Variants in DAB1 observed in about 807,000 individuals in gnomAD.
DAB1 encodes the protein DAB adaptor protein 1.
A neutral mutation model predicts 64.6 loss-of-function variants in DAB1; 15 were observed. The observed-to-expected ratio is 0.23, with a 90% CI of 0.16 to 0.36. The LOEUF is 0.36. DAB1 is among the 10% of genes least tolerant of loss of function. DAB1 has a pLI of 1.00. For missense variants in DAB1, 596 were observed against 706.7 expected (o/e 0.84, Z 1.78); for synonymous variants, 235 against 251.9 (o/e 0.93, Z 0.64).
At chr1:57,509,464 C>T (rs552235041) in intron 7 of DAB1, among the ~76,000 whole-genome samples, 64 of 152,204 alleles carry the variant, frequency 4.2e-4, no homozygotes, top group Non-Finnish European at 7.5e-4. Flanking sequence ...CCACTCACTG[C>T]TTCCTCAGCA....
chr1:58,190,792 G>A (rs953595777), intron 4 of DAB1, among the ~76,000 whole-genome samples: 3 of 152,184 alleles, frequency 2.0e-5, no homozygotes, highest in African/African-American at 7.2e-5. Flanking sequence ...GCAAGACCGG[G>A]GAACAAAAGA....
intron 2 of DAB1, among the ~76,000 whole-genome samples, chr1:58,512,229 A>G (rs1646088026): frequency 6.6e-6 from 1 of 152,190 alleles, no homozygotes; most frequent in African/African-American, 2.4e-5. Flanking sequence ...TAGGTTATCT[A>G]TCATTGAAAA....
At chr1:57,826,577 T>G (rs1166136402) in intron 1 of DAB1, 10 of 152,270 alleles carry the variant, frequency 6.6e-5, no homozygotes, top group Admixed American at 6.5e-4. Context: ...GAACATCTGC[T>G]GCAGACACTG....
chr1:58,377,080 C>A (rs1161978229), intron 3 of DAB1, among the ~76,000 whole-genome samples: 2 of 134,238 alleles, frequency 1.5e-5, no homozygotes, highest in Non-Finnish European at 3.2e-5. Flanking sequence ...TGTCTCTGCA[C>A]GTGAGATGGG....
chr1:57,378,579 T>C (rs1681097176), intron 1 of DAB1, among the ~76,000 whole-genome samples: 1 of 152,214 alleles, frequency 6.6e-6, no homozygotes, highest in Non-Finnish European at 1.5e-5. Flanking sequence ...TAAGTTATAA[T>C]TCCCTCCAGG....
intron 4 of DAB1, among the ~76,000 whole-genome samples, chr1:58,189,046 A>C (rs999396646): frequency 6.6e-6 from 1 of 152,172 alleles, no homozygotes; most frequent in Admixed American, 6.5e-5. Flanking sequence ...ATAGAGCACT[A>C]TTTTATTTGC....
At chr1:57,666,688 G>A (rs1233176638) in intron 6 of DAB1, among the ~76,000 whole-genome samples, 1 of 152,028 alleles carries the variant, frequency 6.6e-6, no homozygotes, top group African/African-American at 2.4e-5. Flanking sequence ...CACATTCATA[G>A]TCCAACCACT....
At chr1:58,394,568 T>C (rs1644503418) in intron 3 of DAB1, among the ~76,000 whole-genome samples, 1 of 152,190 alleles carries the variant, frequency 6.6e-6, no homozygotes, top group Non-Finnish European at 1.5e-5. Flanking sequence ...GGATAACTAT[T>C]GTAATGCAAT....
intron 6 of DAB1, among the ~76,000 whole-genome samples, chr1:57,730,865 G>A (rs1031453580): frequency 6.6e-6 from 1 of 152,202 alleles, no homozygotes; most frequent in Non-Finnish European, 1.5e-5. Context: ...GAATTCTGGT[G>A]CATTACTGAT....
At position 57,783,039 on chromosome 1, in the gene DAB1, C is replaced by CT. The variant is rs563238808; in HGVS notation, n.551+100959dup. Among the ~76,000 whole-genome samples the CT allele has an allele frequency of 2.9e-3, 223 of 75,676 alleles. 1 individual carries two copies. Among genetic ancestry groups the CT allele is most frequent in the African/African-American group, 0.012 (216 of 18,298 alleles). The allele number at this position is 75,676 out of a possible 152,430, so 49.6% of individuals were successfully genotyped here. ...CTCTTCCCTCCCTCCCTTGCTTGCTCTTTCTTTCTTTCCTTCCTTCCTTCC... is the reference window on the plus strand; with the variant it reads ...CTCTTCCCTCCCTCCCTTGCTTGCTCTTTTCTTTCTTTCCTTCCTTCCTTCC... On this transcript the variant is annotated intron_variant and non_coding_transcript_variant, in intron 6 of 20. Coordinates refer to the DAB1 transcript ENST00000485760.
At chr1:57,572,040 T>C (rs1645199119) in intron 7 of DAB1, among the ~76,000 whole-genome samples, 1 of 152,054 alleles carries the variant, frequency 6.6e-6, no homozygotes, top group South Asian at 2.1e-4. Flanking sequence ...ATCCTGGAGG[T>C]GACCGTCCTG....
At chr1:57,271,261 A>G (rs1275796933) in intron 2 of DAB1, among the ~76,000 whole-genome samples, 1 of 152,162 alleles carries the variant, frequency 6.6e-6, no homozygotes, top group Admixed American at 6.5e-5. Context: ...GCTCTTTAAG[A>G]TTCAAAATCT....
chr1:57,042,280 ATAGT>A (rs1647884894), intron 9 of DAB1, among the ~76,000 whole-genome samples: 1 of 152,218 alleles, frequency 6.6e-6, no homozygotes, highest in South Asian at 2.1e-4. Context: ...GAACTTGAAA[ATAGT>A]TTGTGTGTGT....
intron 11 of DAB1, among the ~76,000 whole-genome samples, chr1:57,022,517 A>T (rs1483330477): frequency 6.6e-6 from 1 of 152,246 alleles, no homozygotes; most frequent in East Asian, 1.9e-4. Context: ...AAAGTTCATA[A>T]TGATCCCTTA....
At chr1:57,347,160 T>C (rs1348932144) in intron 1 of DAB1, among the ~76,000 whole-genome samples, 1 of 152,198 alleles carries the variant, frequency 6.6e-6, no homozygotes, top group Non-Finnish European at 1.5e-5. Context: ...TCAACAAATA[T>C]GCTTATACAA....
chr1:57,330,873 G>T (rs1321942899), intron 1 of DAB1, among the ~76,000 whole-genome samples: 3 of 152,064 alleles, frequency 2.0e-5, no homozygotes, highest in African/African-American at 4.8e-5. Flanking sequence ...AGCATATATT[G>T]TTCCCTCTGT....
chr1:58,465,725 C>A (rs746998158), intron 3 of DAB1, among the ~76,000 whole-genome samples: 16 of 152,222 alleles, frequency 1.1e-4, no homozygotes, highest in Admixed American at 3.3e-4. Flanking sequence ...TAATAGATAC[C>A]ATTTATTGGG....
intron 5 of DAB1, among the ~76,000 whole-genome samples, chr1:58,114,715 AT>A (rs1652212988): frequency 6.6e-6 from 1 of 152,196 alleles, no homozygotes; most frequent in Non-Finnish European, 1.5e-5. Flanking sequence ...GACGTAGAAC[AT>A]TTTACAGCAG....
rs1377963717 is a variant in DAB1, at chr1:56,996,815, A to T, written c.*1329T>A. On this transcript the variant is annotated 3_prime_UTR_variant, in exon 15 of 15. Transcript: ENST00000371236. ...TCAAGTTTGTCACACCTTGCACTCA[A>T]TCTGCTACCTTCTCTACAGTGTAAT... 2 of 152,188 alleles carry T rather than the reference A, an allele frequency of 1.3e-5. No individual in the cohort carries two copies. The highest frequency in any genetic ancestry group is 2.9e-5 in the Non-Finnish European group (2 of 68,036). 9.4% of individuals were successfully genotyped at this position (152,188 alleles called of 1,614,324 possible). A position where few individuals can be genotyped will look rare whatever the true frequency, so the allele number is the denominator to read the frequency against.
Sources: gnomAD v4.1 joint callset for allele counts (sites outside exome capture counted in the v4.1 genomes callset) on GRCh38, gnomAD v4.1.1 for gene constraint, MANE v1.5 for transcripts, NCBI Gene and HGNC (gene_info 2026-07-23, HGNC 2026-07-21) for gene names.